The following CTNNBIP1 variants were observed in gnomAD, a reference collection of about 807,000 sequenced individuals.
CTNNBIP1 encodes beta-catenin-interacting protein 1.
Under a neutral mutation model 11.8 loss-of-function variants are expected in CTNNBIP1, and 7 were observed. The observed-to-expected ratio is 0.60, with a 90% confidence interval of 0.34 to 1.12. The LOEUF (loss-of-function observed/expected upper bound fraction) is 1.12. CTNNBIP1 is among the 50% of genes most tolerant of loss of function. The pLI is 0.03. For missense variants in CTNNBIP1, 101 were observed against 113.4 expected, an observed-to-expected ratio of 0.89 and a Z score of 0.50; for synonymous variants, 58 against 43.9, an observed-to-expected ratio of 1.32 and a Z score of -1.26.
chr1:9,888,187 T>C (rs1639224539), intron 1 of CTNNBIP1, among the ~76,000 whole-genome samples: 1 of 151,808 alleles, frequency 6.6e-6, no homozygotes, highest in Admixed American at 6.6e-5. Context: ...TCCCAACGCT[T>C]TGGGAGGCTG....
At chr1:9,874,618 GC>G (rs59523372) in intron 3 of CTNNBIP1, among the ~76,000 whole-genome samples, 19,521 of 152,156 alleles carry the variant, frequency 0.13, 4,138 homozygotes, top group African/African-American at 0.44. Context: ...ACTGCCCACT[GC>G]CAAGGCCAGG....
rs987262066 is a variant in CTNNBIP1, at chr1:9,877,431, C to A, written c.-25+474G>T. On this transcript the variant is annotated intron_variant, in intron 3 of 5. Coordinates refer to ENST00000377263, the MANE Select transcript of CTNNBIP1 (RefSeq NM_020248.3). ...TTAGAATATTCACTTATACCCAGGG[C>A]GGTCTTGCACCTGCTAGGAAGATGT... 4.6e-5 allele frequency among the ~76,000 whole-genome samples: 7 copies of A among 152,172 alleles called. No homozygotes were observed. The East Asian group carries it at 1.3e-3, about 29-fold the overall frequency.
At chr1:9,873,395 GA>G (rs1638904578) in intron 3 of CTNNBIP1, among the ~76,000 whole-genome samples, 1 of 152,108 alleles carries the variant, frequency 6.6e-6, no homozygotes, top group Non-Finnish European at 1.5e-5. Context: ...TGATGAGAAG[GA>G]CCCCCAGCCA....
intron 1 of CTNNBIP1, among the ~76,000 whole-genome samples, chr1:9,908,216 G>A (rs1470783063): frequency 4.0e-5 from 6 of 151,760 alleles, no homozygotes; most frequent in Non-Finnish European, 8.8e-5. Context: ...GCACCACCAC[G>A]CTCAGCTAAT....
intron 1 of CTNNBIP1, among the ~76,000 whole-genome samples, chr1:9,899,615 C>T (rs1639481339): frequency 6.6e-6 from 1 of 151,018 alleles, no homozygotes; most frequent in Non-Finnish European, 1.5e-5. Flanking sequence ...AAAAATTAGC[C>T]GGGCATGGTG....
At chr1:9,907,591 C>T (rs1639642766) in intron 1 of CTNNBIP1, among the ~76,000 whole-genome samples, 1 of 152,216 alleles carries the variant, frequency 6.6e-6, no homozygotes, top group Admixed American at 6.5e-5. Context: ...CCCATTTAAA[C>T]AATACAACCG....
At chr1:9,892,096 G>A (rs915880622) in intron 1 of CTNNBIP1, among the ~76,000 whole-genome samples, 7 of 151,384 alleles carry the variant, frequency 4.6e-5, no homozygotes, top group Admixed American at 2.6e-4. Context: ...ATGAGCCACC[G>A]AGCCTGGCTT....
At chr1:9,903,230 G>A (rs1639556861) in intron 1 of CTNNBIP1, among the ~76,000 whole-genome samples, 1 of 152,168 alleles carries the variant, frequency 6.6e-6, no homozygotes, top group African/African-American at 2.4e-5. Context: ...CCACTTCTTG[G>A]TGTCTCTGTG....
chr1:9,859,627 G>T (rs892429442), intron 5 of CTNNBIP1, among the ~76,000 whole-genome samples: 1 of 152,206 alleles, frequency 6.6e-6, no homozygotes, highest in African/African-American at 2.4e-5. Context: ...TGGGCAGCTC[G>T]ATGCATTTCC....
rs1024016252 is a variant in CTNNBIP1 at position 9,867,709 on chromosome 1, T to G, written c.187+3478A>C. Among the ~76,000 whole-genome samples, 8 of 152,168 alleles carry G rather than the reference T, an allele frequency of 5.3e-5. No individual in the cohort carries two copies. The highest frequency in any genetic ancestry group is 1.9e-4 in the African/African-American group (8 of 41,422). ...CCATTACCCACAGGCTCCAGGCCTT[T>G]GGGGTTCATTATGGCAGTCTCTGCA... On this transcript the variant is annotated intron_variant, in intron 5 of 5. Transcript: ENST00000377263. This position sits in a 1 kb window ranked among gnomAD's most constrained non-coding sequence, Gnocchi z 4.6.
rs141589670 is a variant in CTNNBIP1 at position 9,855,752 on chromosome 1, G to C, written c.188-4976C>G. Among the ~76,000 whole-genome samples, 1,340 of 148,232 alleles carry C rather than the reference G, an allele frequency of 9.0e-3. 19 individuals are homozygous for C. Among genetic ancestry groups the C allele is most frequent in the African/African-American group, 0.031 (1,237 of 40,166 alleles). ...TTTTTTTTTTTTTTTTTCCTGGACA[G>C]GGTCTTGCTCTGTCACGCAGGCTAG... On this transcript the variant is annotated intron_variant, in intron 5 of 5. Transcript: ENST00000377263.
At chr1:9,892,680 A>T (rs988008354) in intron 1 of CTNNBIP1, among the ~76,000 whole-genome samples, 1 of 152,118 alleles carries the variant, frequency 6.6e-6, no homozygotes, top group Admixed American at 6.5e-5. Flanking sequence ...GCATAAAGAT[A>T]TAGGTGTATC....
chr1:9,879,160 A>G (rs1639032097), intron 2 of CTNNBIP1, among the ~76,000 whole-genome samples: 1 of 151,834 alleles, frequency 6.6e-6, no homozygotes, highest in South Asian at 2.1e-4. Flanking sequence ...TCGCGCCACT[A>G]CACTCTAGCC....
chr1:9,860,697 G>A (rs1242389138), intron 5 of CTNNBIP1, among the ~76,000 whole-genome samples: 1 of 151,762 alleles, frequency 6.6e-6, no homozygotes, highest in African/African-American at 2.4e-5. Flanking sequence ...TGGGGACAGG[G>A]AGCTTCTGCC....
At chr1:9,868,766 G>T (rs1207026025) in intron 5 of CTNNBIP1, among the ~76,000 whole-genome samples, 2 of 151,926 alleles carry the variant, frequency 1.3e-5, no homozygotes, top group Non-Finnish European at 2.9e-5. Context: ...TAGCTGGGTA[G>T]CTGGGACTAC....
intron 5 of CTNNBIP1, among the ~76,000 whole-genome samples, chr1:9,855,028 G>A (rs1638472526): frequency 6.6e-6 from 1 of 152,036 alleles, no homozygotes; most frequent in African/African-American, 2.4e-5. Context: ...AGGATACAAG[G>A]TCAATATACA....
At chr1:9,895,532 T>C (rs1639392171) in intron 1 of CTNNBIP1, among the ~76,000 whole-genome samples, 1 of 149,534 alleles carries the variant, frequency 6.7e-6, no homozygotes, top group South Asian at 2.1e-4. Context: ...AGTCTTGCTC[T>C]GTCGCCAGGC....
chr1:9,905,258 G>A (rs1425970414), intron 1 of CTNNBIP1, among the ~76,000 whole-genome samples: 1 of 152,080 alleles, frequency 6.6e-6, no homozygotes, highest in Admixed American at 6.6e-5. Context: ...AGCCCCTCTG[G>A]GTTGATCATT....
intron 1 of CTNNBIP1, among the ~76,000 whole-genome samples, chr1:9,889,200 C>G (rs999275886): frequency 3.3e-5 from 5 of 152,250 alleles, no homozygotes; most frequent in African/African-American, 9.6e-5. Flanking sequence ...AGGGCTCCTT[C>G]TGTCCCTCCC....
Sources: allele counts gnomAD v4.1 joint callset (sites outside exome capture counted in the v4.1 genomes callset), GRCh38; gene constraint gnomAD v4.1.1; non-coding constraint Gnocchi (gnomAD v3.1); transcripts MANE v1.5; gene names NCBI Gene and HGNC (gene_info 2026-07-23, HGNC 2026-07-21).